NXT1: variants seen among roughly 807,000 people sequenced by gnomAD.
The protein encoded by NXT1 is nuclear transport factor 2 like export factor 1, also known as NTF2-related export protein 1.
NXT1 carries 3 observed loss-of-function variants against 9.9 expected under a neutral mutation model. That is an observed-to-expected ratio of 0.30 (90% confidence interval 0.14 to 0.79). NXT1 has a LOEUF of 0.79. Among genes scored for constraint, NXT1 ranks in the 30% least tolerant of loss-of-function variants. The pLI is 0.63. For missense variants in NXT1, 91 were observed against 178.2 expected (o/e 0.51, Z 2.79); for synonymous variants, 53 against 66.5 (o/e 0.80, Z 0.99).
In NXT1 at chr20:23,350,814, C is replaced by CCG. The variant is rs1351062617; in HGVS notation, c.-302_-301dup. 1.3e-5 allele frequency: 2 copies of CCG among 152,230 alleles called. No individual in the cohort carries two copies. Among genetic ancestry groups the CCG allele is most frequent in the Non-Finnish European group, 2.9e-5 (2 of 68,066 alleles). 9.4% of individuals were successfully genotyped at this position (152,230 alleles called of 1,614,324 possible). A position where few individuals can be genotyped will look rare whatever the true frequency, so the allele number is the denominator to read the frequency against. On this transcript the variant is annotated 5_prime_UTR_variant, in exon 1 of 2. Coordinates refer to ENST00000254998, the MANE Select transcript of NXT1 (RefSeq NM_013248.3). ...TCGCGTCTGCGTGGAGACCGGCTGG[C>CCG]CGCGCGCGGGAAGCCGCGGAACTGC...
intron 1 of NXT1, among the ~76,000 whole-genome samples, chr20:23,351,886 G>A (rs1980278093): frequency 6.6e-6 from 1 of 152,156 alleles, no homozygotes; most frequent in South Asian, 2.1e-4. Flanking sequence ...AATTGTTATA[G>A]TAATACCTTT....
intron 1 of NXT1, among the ~76,000 whole-genome samples, chr20:23,352,477 T>C (rs1372653106): frequency 1.3e-5 from 2 of 152,154 alleles, no homozygotes; most frequent in Non-Finnish European, 2.9e-5. Context: ...TCCAGCCCTA[T>C]GTGGAATGTT....
chr20:23,351,107 G>A (rs1386487777), intron 1 of NXT1, 46 bp downstream of exon 1: 2 of 152,348 alleles, frequency 1.3e-5, no homozygotes, highest in East Asian at 1.9e-4. Flanking sequence ...ACAGCCCCTA[G>A]TGCATACCCC....
chr20:23,354,341 G>T lies in NXT1; in HGVS notation c.300G>T (p.Lys100Asn). 3 of 1,614,216 alleles carry T rather than the reference G, an allele frequency of 1.9e-6. No individual in the cohort carries two copies. Among genetic ancestry groups the T allele is most frequent in the Non-Finnish European group, 2.5e-6 (3 of 1,180,046 alleles). The change falls in exon 2 of 2, where the codon AAG becomes AAT. Residue 100 changes from lysine (K) to asparagine (N), a missense_variant. By Grantham distance (94) the Lys-to-Asn change is moderately conservative. Coordinates refer to ENST00000254998, the MANE Select transcript of NXT1 (RefSeq NM_013248.3). ...TTGTTGTCATCTGTGGATCAGTGAA[G>T]TTTGAGGGGAACAAACAACGGGACT... ...TVLVVICGSV[K>N]FEGNKQRDFN... is the part of the protein sequence containing the mutation.
chr20:23,354,527 G>A lies in NXT1; in HGVS notation c.*63G>A, dbSNP rs370717728. 20 of 1,512,604 alleles carry A rather than the reference G, an allele frequency of 1.3e-5. No homozygotes were observed. The highest frequency in any genetic ancestry group is 1.1e-4 in the East Asian group (5 of 43,822). The allele number at this position is 1,512,604 out of a possible 1,614,324, so 93.7% of individuals were successfully genotyped here. On this transcript the variant is annotated 3_prime_UTR_variant, in exon 2 of 2. Transcript: ENST00000254998. Reference sequence around the variant, plus strand: ...AGCTCTGTAGAGAAATGCAAACCTCGACTCTCAAGGATGTGAGGAACACAA... The same window carrying A: ...AGCTCTGTAGAGAAATGCAAACCTCAACTCTCAAGGATGTGAGGAACACAA...
chr20:23,351,849 C>T (rs1980277421), intron 1 of NXT1, among the ~76,000 whole-genome samples: 1 of 152,164 alleles, frequency 6.6e-6, no homozygotes, highest in Non-Finnish European at 1.5e-5. Flanking sequence ...TTGATCCAGC[C>T]CTAGGTTTCC....
intron 1 of NXT1, chr20:23,351,452 C>G (rs547277706): frequency 6.6e-6 from 1 of 152,272 alleles, no homozygotes. Context: ...CGGTCAGGTT[C>G]TTTTTCTGAT....
chr20:23,354,658 T>G lies in NXT1; in HGVS notation c.*194T>G. The G allele has an allele frequency of 1.7e-6, 1 of 597,530 alleles. No homozygotes were observed. The highest frequency in any genetic ancestry group is 2.6e-5 in the South Asian group (1 of 39,084). 37.0% of individuals were successfully genotyped at this position (597,530 alleles called of 1,614,324 possible). ...GTCCCTTTCCTGAATATATACTTGT[T>G]TGTCATAGTTTCCTTTTCAAAGTAG... is the stretch of plus-strand genomic sequence containing the variant. On this transcript the variant is annotated 3_prime_UTR_variant, in exon 2 of 2. Transcript: ENST00000254998.
At position 23,353,964 on chromosome 20, in the gene NXT1, A is replaced by C. The variant is rs576656254; in HGVS notation, c.-61-17A>C. ...TTGGCATTCACGTGGCTTCTCTTCA[A>C]CCTTACTTCCCTGCAGCCCCTGGTT... On this transcript the variant is annotated splice_polypyrimidine_tract_variant and intron_variant, in intron 1 of 1. Coordinates refer to ENST00000254998, the MANE Select transcript of NXT1 (RefSeq NM_013248.3). The C allele has an allele frequency of 2.7e-6, 4 of 1,454,544 alleles. No individual in the cohort carries two copies. Among genetic ancestry groups the C allele is most frequent in the East Asian group, 2.3e-5 (1 of 43,782 alleles). The allele number at this position is 1,454,544 out of a possible 1,614,324, so 90.1% of individuals were successfully genotyped here. A position where few individuals can be genotyped will look rare whatever the true frequency, so the allele number is the denominator to read the frequency against.
Position 23,354,124 on chromosome 20 carries a change from T to C in NXT1, c.83T>C (p.Met28Thr). ...EEFVNVYYTT[M>T]DKRRRLLSRL... Reference sequence around the variant, plus strand: ...TTTGTCAATGTCTACTACACCACCATGGATAAGCGGCGGCGTTTGCTGTCC... The same window carrying C: ...TTTGTCAATGTCTACTACACCACCACGGATAAGCGGCGGCGTTTGCTGTCC... The change falls in exon 2 of 2, where the codon ATG becomes ACG. Residue 28 changes from methionine to threonine, a missense_variant. By Grantham distance (81) the Met-to-Thr change is moderately conservative. Transcript: ENST00000254998. The C allele has an allele frequency of 6.2e-7, 1 of 1,614,148 alleles. No individual in the cohort carries two copies. The highest frequency in any genetic ancestry group is 8.5e-7 in the Non-Finnish European group (1 of 1,180,034).
chr20:23,354,132 C>T lies in NXT1; in HGVS notation c.91C>T (p.Arg31Trp), dbSNP rs747429249. Residue 31 changes from arginine to tryptophan, a missense_variant, in exon 2 of 2, where the codon CGG becomes TGG. Transcript: ENST00000254998. ...VNVYYTTMDK[R>W]RRLLSRLYMG... ...TGTCTACTACACCACCATGGATAAGCGGCGGCGTTTGCTGTCCCGCCTGTA... is the reference window on the plus strand; with the variant it reads ...TGTCTACTACACCACCATGGATAAGTGGCGGCGTTTGCTGTCCCGCCTGTA... 4 of 1,614,012 alleles carry T rather than the reference C, an allele frequency of 2.5e-6. No individual in the cohort carries two copies. Among genetic ancestry groups the T allele is most frequent in the Non-Finnish European group, 3.4e-6 (4 of 1,180,050 alleles).
In NXT1 at chr20:23,354,684, T is replaced by A. The variant is rs1980360644; in HGVS notation, c.*220T>A. ...TGTCATAGTTTCCTTTTCAAAGTAGTAAACTTTTCTATTTTTCTACTTGCC... is the reference window on the plus strand; with the variant it reads ...TGTCATAGTTTCCTTTTCAAAGTAGAAAACTTTTCTATTTTTCTACTTGCC... On this transcript the variant is annotated 3_prime_UTR_variant, in exon 2 of 2. Coordinates refer to ENST00000254998, the MANE Select transcript of NXT1 (RefSeq NM_013248.3). 3 of 551,296 alleles carry A rather than the reference T, an allele frequency of 5.4e-6. No homozygotes were observed. The highest frequency in any genetic ancestry group is 3.7e-5 in the Admixed American group (1 of 26,992). The allele number at this position is 551,296 out of a possible 1,614,324, so 34.2% of individuals were successfully genotyped here.
At chr20:23,352,953 C>T (rs12625187) in intron 1 of NXT1, among the ~76,000 whole-genome samples, 14,795 of 152,178 alleles carry the variant, frequency 0.097, 1,363 homozygotes, top group African/African-American at 0.23. Context: ...ATTCTGTCCT[C>T]ATGTCATTTG....
Position 23,350,874 on chromosome 20 carries a change from C to T in NXT1, c.-249C>T, listed in dbSNP as rs1980238285. 6.6e-6 allele frequency: 1 copy of T among 152,164 alleles called. No individual in the cohort carries two copies. Among genetic ancestry groups the T allele is most frequent in the Non-Finnish European group, 1.5e-5 (1 of 68,050 alleles). The allele number at this position is 152,164 out of a possible 1,614,324, so 9.4% of individuals were successfully genotyped here. On this transcript the variant is annotated 5_prime_UTR_variant, in exon 1 of 2. Coordinates refer to ENST00000254998, the MANE Select transcript of NXT1 (RefSeq NM_013248.3). The stretch of plus-strand genomic sequence containing the variant: ...TCCCCCGGCTCTGGGGCCCCGGTGA[C>T]CCAGAGTAAGCCTCCAAGAAGGAGG...
chr20:23,352,577 T>C lies in NXT1; in HGVS notation c.-61-1404T>C, dbSNP rs145449583. Reference sequence around the variant, plus strand: ...GTTCACTAAGTTTGTAAGTATAAACTATTTTAGTAATGTCCTCTATTTTAG... The same window carrying C: ...GTTCACTAAGTTTGTAAGTATAAACCATTTTAGTAATGTCCTCTATTTTAG... On this transcript the variant is annotated intron_variant, in intron 1 of 1. Coordinates refer to ENST00000254998, the MANE Select transcript of NXT1 (RefSeq NM_013248.3). Among the ~76,000 whole-genome samples, 3 of 152,298 alleles carry C rather than the reference T, an allele frequency of 2.0e-5. No individual in the cohort carries two copies. In the East Asian group the frequency reaches 5.8e-4, roughly 29 times the overall value.
In NXT1 at chr20:23,354,570, C is replaced by T. The variant is rs1001526409; in HGVS notation, c.*106C>T. 10 of 1,300,738 alleles carry T rather than the reference C, an allele frequency of 7.7e-6. No individual in the cohort carries two copies. The highest frequency in any genetic ancestry group is 3.0e-5 in the South Asian group (2 of 66,416). 80.6% of individuals were successfully genotyped at this position (1,300,738 alleles called of 1,614,324 possible). On this transcript the variant is annotated 3_prime_UTR_variant, in exon 2 of 2. Transcript: ENST00000254998. Reference sequence around the variant, plus strand: ...GAACACAAGTTCATTTCTGTTGTTGCGGAGACACTGCAGACTCCACTGTGC... The same window carrying T: ...GAACACAAGTTCATTTCTGTTGTTGTGGAGACACTGCAGACTCCACTGTGC...
rs371922314 is a variant in NXT1, at chr20:23,354,232, T to C, written c.191T>C (p.Met64Thr). Residue 64 changes from methionine (M) to threonine (T), a missense_variant, in exon 2 of 2, where the codon ATG becomes ACG. Met to Thr is a moderately conservative substitution (Grantham distance 81). Coordinates refer to ENST00000254998, the MANE Select transcript of NXT1 (RefSeq NM_013248.3). Reference protein sequence around the residue: ...GQESLSEFFEMLPSSEFQISV... With the variant: ...GQESLSEFFETLPSSEFQISV... ...GAATCCTTGAGTGAGTTTTTTGAAA[T>C]GTTGCCTTCCAGCGAGTTCCAAATC... 21 of 1,614,112 alleles carry C rather than the reference T, an allele frequency of 1.3e-5. No individual in the cohort carries two copies. Among genetic ancestry groups the C allele is most frequent in the Admixed American group, 1.0e-4 (6 of 60,010 alleles).
At position 23,354,704 on chromosome 20, in the gene NXT1, C is replaced by T. The variant is rs1980361139; in HGVS notation, c.*240C>T. The T allele has an allele frequency of 1.9e-6, 1 of 522,358 alleles. No individual in the cohort carries two copies. The highest frequency in any genetic ancestry group is 3.5e-6 in the Non-Finnish European group (1 of 289,524). 32.4% of individuals were successfully genotyped at this position (522,358 alleles called of 1,614,324 possible). Reference sequence around the variant, plus strand: ...AGTAGTAAACTTTTCTATTTTTCTACTTGCCCAGTAGAGACTCTGATTCTG... The same window carrying T: ...AGTAGTAAACTTTTCTATTTTTCTATTTGCCCAGTAGAGACTCTGATTCTG... On this transcript the variant is annotated 3_prime_UTR_variant, in exon 2 of 2. Coordinates refer to ENST00000254998, the MANE Select transcript of NXT1 (RefSeq NM_013248.3).
intron 1 of NXT1, 127 bp downstream of exon 1, chr20:23,351,188 T>C (rs1600519823): frequency 6.6e-6 from 1 of 152,220 alleles, no homozygotes; most frequent in Admixed American, 6.5e-5. Flanking sequence ...GCCGCCGCGG[T>C]GAGGCTCTCG....
Sources: gnomAD v4.1 joint callset for allele counts (sites outside exome capture counted in the v4.1 genomes callset) on GRCh38, gnomAD v4.1.1 for gene constraint, MANE v1.5 for transcripts, NCBI Gene and HGNC (gene_info 2026-07-23, HGNC 2026-07-21) for gene names.